GALNT12: variants seen among roughly 807,000 people sequenced by gnomAD.
GALNT12 encodes polypeptide N-acetylgalactosaminyltransferase 12.
Under a neutral mutation model 55.5 loss-of-function variants are expected in GALNT12, and 45 were observed. The ratio of observed to expected loss-of-function variants is 0.81; its 90% CI spans 0.64 to 1.04. GALNT12 has a LOEUF of 1.04. Among genes scored for constraint, GALNT12 ranks in the 50% least tolerant of loss-of-function variants. The probability of loss-of-function intolerance (pLI) is 0.00; values close to 1 mark genes in which losing one functional copy is unlikely to be tolerated. For missense variants in GALNT12, 709 were observed against 754.8 expected (o/e 0.94, Z 0.71); for synonymous variants, 304 against 312.2 (o/e 0.97, Z 0.28).
At chr9:98,832,519 A>G (rs1836026924) in intron 4 of GALNT12, among the ~76,000 whole-genome samples, 1 of 152,210 alleles carries the variant, frequency 6.6e-6, no homozygotes, top group Admixed American at 6.5e-5. Flanking sequence ...CCCTGTCTCT[A>G]TAAAAAAATA....
intron 1 of GALNT12, among the ~76,000 whole-genome samples, chr9:98,815,376 T>C (rs1321793138): frequency 6.6e-6 from 1 of 152,200 alleles, no homozygotes; most frequent in African/African-American, 2.4e-5. Context: ...TCTGAGCACA[T>C]TTAAGATAGA....
In GALNT12 at chr9:98,811,442, C is replaced by G. The variant is rs1218527991; in HGVS notation, c.371+3373C>G. 2.6e-4 allele frequency among the ~76,000 whole-genome samples: 40 copies of G among 152,178 alleles called. 1 individual carries two copies. ...GTAGAAGAGAGAGTGGAGTAACAGA[C>G]AGTGCCCTCAGGGCTGGACATTTCT... On this transcript the variant is annotated intron_variant, in intron 1 of 9. Coordinates refer to ENST00000375011, the MANE Select transcript of GALNT12 (RefSeq NM_024642.5).
intron 1 of GALNT12, among the ~76,000 whole-genome samples, chr9:98,820,002 T>C (rs540598665): frequency 6.6e-5 from 10 of 152,210 alleles, no homozygotes; most frequent in Non-Finnish European, 1.3e-4. Flanking sequence ...AGAGGCACAT[T>C]TTTTTCCCAC....
rs140553487 is a variant in GALNT12, at chr9:98,818,200, C to T, written c.372-5056C>T. Reference sequence around the variant, plus strand: ...CAAGTCCAGAATATTTATCCAATATCGGATGTCTATAGCTGTCCCAACTTA... The same window carrying T: ...CAAGTCCAGAATATTTATCCAATATTGGATGTCTATAGCTGTCCCAACTTA... On this transcript the variant is annotated intron_variant, in intron 1 of 9. Transcript: ENST00000375011. Among the ~76,000 whole-genome samples, 374 of 152,084 alleles carry T rather than the reference C, an allele frequency of 2.5e-3. 1 individual carries two copies. Among genetic ancestry groups the T allele is most frequent in the African/African-American group, 8.7e-3 (360 of 41,512 alleles).
intron 5 of GALNT12, among the ~76,000 whole-genome samples, chr9:98,836,175 C>T (rs1490646648): frequency 1.3e-5 from 2 of 152,234 alleles, no homozygotes; most frequent in Non-Finnish European, 2.9e-5. Context: ...TGATGCTACT[C>T]TACATGGCCC....
rs780416933 is a variant in GALNT12 at position 98,844,201 on chromosome 9, C to T, written c.1450C>T (p.Gln484Ter). The T allele has an allele frequency of 1.9e-6, 3 of 1,599,560 alleles. No homozygotes were observed. The highest frequency in any genetic ancestry group is 2.7e-5 in the African/African-American group (2 of 74,548). Residue 484 changes from glutamine to a stop codon, truncating the protein, a stop_gained, in exon 8 of 10, where the codon CAG becomes TAG. Transcript: ENST00000375011. LOFTEE classifies it high-confidence loss of function. ...TCTGTACCTCTGTCATGGGATGGGCCAGAATCAGGTAGGTATGAGCCTCAA... is the reference window on the plus strand; with the variant it reads ...TCTGTACCTCTGTCATGGGATGGGCTAGAATCAGGTAGGTATGAGCCTCAA... ...VILYLCHGMG[Q>*]NQFFEYTSQK... is the part of the protein sequence containing the mutation.
At chr9:98,828,103 G>A (rs1330576394) in intron 3 of GALNT12, among the ~76,000 whole-genome samples, 1 of 152,210 alleles carries the variant, frequency 6.6e-6, no homozygotes, top group Non-Finnish European at 1.5e-5. Context: ...TCCCCGCTGT[G>A]GAGCAGGCAA....
intron 9 of GALNT12, 93 bp downstream of exon 9, chr9:98,846,216 G>A (rs1836411431): frequency 6.7e-7 from 1 of 1,498,368 alleles, no homozygotes; most frequent in African/African-American, 1.4e-5. Flanking sequence ...TAGTCCTGGT[G>A]AGGATCAGGG....
intron 1 of GALNT12, among the ~76,000 whole-genome samples, chr9:98,821,669 G>A (rs1324469552): frequency 2.0e-5 from 3 of 148,038 alleles, no homozygotes; most frequent in Admixed American, 6.8e-5. Flanking sequence ...AATAAAAGAG[G>A]AAAAAACAAA....
chr9:98,809,568 G>T (rs534299917), intron 1 of GALNT12, among the ~76,000 whole-genome samples: 1 of 152,160 alleles, frequency 6.6e-6, no homozygotes, highest in Non-Finnish European at 1.5e-5. Context: ...TGCGAAATAG[G>T]AAACTCATAA....
chr9:98,818,888 G>A (rs1564249014), intron 1 of GALNT12, among the ~76,000 whole-genome samples: 3 of 152,156 alleles, frequency 2.0e-5, no homozygotes, highest in African/African-American at 7.2e-5. Context: ...AATCTCTCTT[G>A]AGATTATAGC....
intron 9 of GALNT12, among the ~76,000 whole-genome samples, chr9:98,847,695 A>AAC (rs959699955): frequency 1.3e-5 from 2 of 151,744 alleles, no homozygotes; most frequent in Non-Finnish European, 2.9e-5. Flanking sequence ...TCATGCCCTA[A>AAC]ATATATATAT....
Position 98,807,685 on chromosome 9 carries a change from C to A in GALNT12, c.-14C>A. 2.7e-6 allele frequency: 3 copies of A among 1,127,764 alleles called. No homozygotes were observed. The highest frequency in any genetic ancestry group is 2.2e-6 in the Non-Finnish European group (2 of 923,598). 69.9% of individuals were successfully genotyped at this position (1,127,764 alleles called of 1,614,324 possible). ...CTTGGGGCGCGCAGATCGCTGGCTG[C>A]AGTTGGCGGGCGCATGTGGGGGCGC... On this transcript the variant is annotated 5_prime_UTR_variant, in exon 1 of 10. Transcript: ENST00000375011.
intron 6 of GALNT12, among the ~76,000 whole-genome samples, chr9:98,838,938 T>C (rs1232922491): frequency 1.3e-5 from 2 of 152,216 alleles, no homozygotes; most frequent in African/African-American, 2.4e-5. Flanking sequence ...GCCTGTACTC[T>C]GCAGCGCACC....
At position 98,840,153 on chromosome 9, in the gene GALNT12, C is replaced by T. The variant is rs1351418494; in HGVS notation, c.1344+20C>T. The T allele has an allele frequency of 6.2e-7, 1 of 1,612,310 alleles. No homozygotes were observed. Among genetic ancestry groups the T allele is most frequent in the Non-Finnish European group, 8.5e-7 (1 of 1,179,738 alleles). On this transcript the variant is annotated intron_variant, in intron 7 of 9. Transcript: ENST00000375011. ...GGGATGGTGAGTGAGGGTGGTGGGC[C>T]CACGGCAGGCAGGGACTTCCCTGGC...
intron 6 of GALNT12, among the ~76,000 whole-genome samples, chr9:98,839,638 G>A (rs1367734676): frequency 6.6e-6 from 1 of 152,176 alleles, no homozygotes; most frequent in Admixed American, 6.5e-5. Context: ...TTGGGTTTCA[G>A]GATGACTTCT....
intron 3 of GALNT12, among the ~76,000 whole-genome samples, chr9:98,830,229 T>C (rs941945230): frequency 1.3e-5 from 2 of 152,176 alleles, no homozygotes; most frequent in African/African-American, 2.4e-5. Context: ...TGCACGAGCA[T>C]TGGGACACAT....
chr9:98,819,921 C>T (rs959817199), intron 1 of GALNT12, among the ~76,000 whole-genome samples: 7 of 152,154 alleles, frequency 4.6e-5, no homozygotes, highest in South Asian at 2.1e-4. Context: ...TAGCCTTTAA[C>T]GTGGGAGCAA....
Position 98,830,086 on chromosome 9 carries a change from C to G in GALNT12, c.732-1686C>G, listed in dbSNP as rs192182906. On this transcript the variant is annotated intron_variant, in intron 3 of 9. Transcript: ENST00000375011. Reference sequence around the variant, plus strand: ...TAGAGGTTGTACTAATTTACATTCCCACCAACGGTGTGTGAGGGTTCAACC... The same window carrying G: ...TAGAGGTTGTACTAATTTACATTCCGACCAACGGTGTGTGAGGGTTCAACC... Among the ~76,000 whole-genome samples, 65 of 152,300 alleles carry G rather than the reference C, an allele frequency of 4.3e-4. 1 individual carries two copies. The highest frequency in any genetic ancestry group is 1.7e-3 in the Admixed American group (26 of 15,302).
Sources: allele counts gnomAD v4.1 joint callset (sites outside exome capture counted in the v4.1 genomes callset), GRCh38; gene constraint gnomAD v4.1.1; transcripts MANE v1.5; gene names NCBI Gene and HGNC (gene_info 2026-07-23, HGNC 2026-07-21).